Variants in TASL observed in about 807,000 individuals in gnomAD.
The protein encoded by TASL is TLR adaptor interacting with endolysosomal SLC15A4, also known as TLR adapter interacting with SLC15A4 on the lysosome.
A neutral mutation model predicts 12.9 loss-of-function variants in TASL; 6 were observed. That is an observed-to-expected ratio of 0.46 (90% CI 0.25 to 0.92). The LOEUF (loss-of-function observed/expected upper bound fraction) is 0.92, where lower values mean the gene tolerates loss of function less well. TASL is among the 40% of genes least tolerant of loss of function. TASL has a pLI of 0.17. For synonymous variants in TASL, 85 were observed against 79.3 expected, an observed-to-expected ratio of 1.07 and a Z score of -0.38; for missense variants, 165 against 212.8, an observed-to-expected ratio of 0.78 and a Z score of 1.40.
intron 2 of TASL, among the ~76,000 whole-genome samples, chrX:30,571,130 A>G (rs1373856420): frequency 1.9e-5 from 2 of 105,022 alleles, no homozygotes; most frequent in Non-Finnish European, 3.9e-5. Flanking sequence ...TGGTGAGCTG[A>G]GATTGCGCCA....
intron 2 of TASL, among the ~76,000 whole-genome samples, chrX:30,570,236 T>TCACACACA (rs139566030): frequency 4.7e-4 from 47 of 99,793 alleles, no homozygotes; most frequent in African/African-American, 1.3e-3. Context: ...ACTCTCTCTC[T>TCACACACA]CACACACACA....
intron 2 of TASL, among the ~76,000 whole-genome samples, chrX:30,574,497 G>A (rs1930680003): frequency 9.0e-6 from 1 of 111,513 alleles, no homozygotes; most frequent in African/African-American, 3.3e-5. Flanking sequence ...CCCGCCCCTT[G>A]AAGAACATTT....
chrX:30,573,073 TC>T (rs767337083), intron 2 of TASL, among the ~76,000 whole-genome samples: 1 of 112,425 alleles, frequency 8.9e-6, no homozygotes, highest in African/African-American at 3.2e-5. Context: ...TATGATCATA[TC>T]CTTTTAAAAA....
intron 2 of TASL, among the ~76,000 whole-genome samples, chrX:30,566,889 G>A (rs1378421008): frequency 1.8e-5 from 2 of 111,810 alleles, no homozygotes; most frequent in African/African-American, 6.5e-5. Flanking sequence ...ATTTTAATTT[G>A]ATTTAATATA....
intron 2 of TASL, among the ~76,000 whole-genome samples, chrX:30,570,225 TAC>T (rs1491461915): frequency 2.9e-5 from 2 of 67,819 alleles, no homozygotes; most frequent in Non-Finnish European, 5.1e-5. Flanking sequence ...TGTACATAAA[TAC>T]TCTCTCTCTC....
intron 2 of TASL, among the ~76,000 whole-genome samples, chrX:30,566,024 G>A: frequency 9.1e-6 from 1 of 110,150 alleles, no homozygotes; most frequent in Non-Finnish European, 1.9e-5. Flanking sequence ...ACCTACCTTG[G>A]CCTCCCAAAG....
intron 2 of TASL, among the ~76,000 whole-genome samples, chrX:30,576,051 T>C (rs1930699407): frequency 8.9e-6 from 1 of 112,135 alleles, no homozygotes; most frequent in South Asian, 3.6e-4. Flanking sequence ...ATGTTAATTA[T>C]GCCAATTTCA....
At position 30,559,425 on chromosome X, in the gene TASL, C is replaced by G; in HGVS notation, c.*25G>C. The G allele has an allele frequency of 9.3e-7, 1 of 1,078,833 alleles. No homozygotes were observed. Among genetic ancestry groups the G allele is most frequent in the Non-Finnish European group, 1.2e-6 (1 of 801,141 alleles). The allele number at this position is 1,078,833 out of a possible 1,213,427, so 88.9% of individuals were successfully genotyped here. Reference sequence around the variant, plus strand: ...GTGTTGCTTCATGTTTAAGTAAATGCGAGACAGTAATGGAAGCATCCTCTC... The same window carrying G: ...GTGTTGCTTCATGTTTAAGTAAATGGGAGACAGTAATGGAAGCATCCTCTC... On this transcript the variant is annotated 3_prime_UTR_variant, in exon 3 of 3. Coordinates refer to ENST00000378962, the MANE Select transcript of TASL (RefSeq NM_025159.3).
In TASL at chrX:30,566,417, G is replaced by C. The variant is rs1051196865; in HGVS notation, c.-1-6061C>G. 4.5e-5 allele frequency among the ~76,000 whole-genome samples: 5 copies of C among 111,060 alleles called. No individual in the cohort carries two copies. In the East Asian group the frequency reaches 1.4e-3, roughly 32 times the overall value. ...AGCTACTCAGGAGGATGAGGCAGGA[G>C]AATCGCTTGAACCCAGGAGGTGGAG... On this transcript the variant is annotated intron_variant, in intron 2 of 2. Transcript: ENST00000378962.
At chrX:30,565,268 AGAAGTTGT>A (rs1930481756) in intron 2 of TASL, among the ~76,000 whole-genome samples, 1 of 111,744 alleles carries the variant, frequency 8.9e-6, no homozygotes, top group African/African-American at 3.3e-5. Flanking sequence ...TCCTAGGCCC[AGAAGTTGT>A]GAAGAGGAGA....
At position 30,559,961 on chromosome X, in the gene TASL, C is replaced by T. The variant is rs1930392505; in HGVS notation, c.395G>A (p.Gly132Asp). 1.7e-6 allele frequency: 2 copies of T among 1,208,968 alleles called. No homozygotes were observed. Among genetic ancestry groups the T allele is most frequent in the African/African-American group, 3.5e-5 (2 of 57,102 alleles). ...CACTGAATTAATGGCCATCACCTGG[C>T]CCCCTGCAATCTGTAAGTCATTATA... ...KNYNDLQIAG[G>D]QVMAINSVTT... is the part of the protein sequence containing the mutation. The change falls in exon 3 of 3, where the codon GGC (glycine) becomes GAC (aspartate). Residue 132 changes from glycine (G) to aspartate (D), a missense_variant. Transcript: ENST00000378962.
intron 2 of TASL, among the ~76,000 whole-genome samples, chrX:30,560,559 T>C (rs1233386395): frequency 9.1e-6 from 1 of 110,277 alleles, no homozygotes; most frequent in Admixed American, 9.8e-5. Context: ...ATTCCATCCT[T>C]CAGGAAGTTT....
rs764811432 is a variant in TASL, at chrX:30,559,402, G to A, written c.*48C>T. ...CATTCTCAGAATAAATGGATAAAGT[G>A]TTGCTTCATGTTTAAGTAAATGCGA... On this transcript the variant is annotated 3_prime_UTR_variant, in exon 3 of 3. Transcript: ENST00000378962. 2.1e-6 allele frequency: 2 copies of A among 957,743 alleles called. No homozygotes were observed. The highest frequency in any genetic ancestry group is 6.1e-5 in the East Asian group (2 of 32,529). 78.9% of individuals were successfully genotyped at this position (957,743 alleles called of 1,213,427 possible). A position where few individuals can be genotyped will look rare whatever the true frequency, so the allele number is the denominator to read the frequency against.
intron 2 of TASL, among the ~76,000 whole-genome samples, chrX:30,564,937 A>G (rs1163556055): frequency 9.0e-6 from 1 of 111,690 alleles, no homozygotes; most frequent in African/African-American, 3.3e-5. Context: ...GGAGTTCTAG[A>G]GTCCAACATG....
intron 2 of TASL, among the ~76,000 whole-genome samples, chrX:30,571,292 AAGAAAGAAAG>A (rs1930614346): frequency 1.1e-5 from 1 of 91,418 alleles, no homozygotes; most frequent in Non-Finnish European, 2.1e-5. Flanking sequence ...GAAAGAAAGA[AAGAAAGAAAG>A]AAAGAAAGAA....
rs12836927 is a variant in TASL, at chrX:30,563,451, C to T, written c.-1-3095G>A. Among the ~76,000 whole-genome samples the T allele has an allele frequency of 6.2e-5, 7 of 112,359 alleles. No individual in the cohort carries two copies. In the Admixed American group the frequency reaches 6.6e-4, roughly 11 times the overall value. ...AAGAGCCAATCTGACTTAAATTCCCCTAAATGTTGAGGAATTGGTGGTACC... is the reference window on the plus strand; with the variant it reads ...AAGAGCCAATCTGACTTAAATTCCCTTAAATGTTGAGGAATTGGTGGTACC... On this transcript the variant is annotated intron_variant, in intron 2 of 2. Transcript: ENST00000378962.
intron 2 of TASL, among the ~76,000 whole-genome samples, chrX:30,569,909 G>T (rs1173185544): frequency 9.1e-6 from 1 of 109,683 alleles, no homozygotes; most frequent in African/African-American, 3.3e-5. Context: ...TGCTCGGGAG[G>T]CTGAGGCAGG....
At chrX:30,563,153 A>G (rs140051465) in intron 2 of TASL, among the ~76,000 whole-genome samples, 123 of 111,391 alleles carry the variant, frequency 1.1e-3, no homozygotes, top group African/African-American at 3.8e-3. Flanking sequence ...GAGATCATTG[A>G]ATCATGGAGG....
At chrX:30,571,286 G>GAAAGAAAGAAAGAAAGAAAGAAAGAA (rs1569306155) in intron 2 of TASL, among the ~76,000 whole-genome samples, 19 of 64,901 alleles carry the variant, frequency 2.9e-4, no homozygotes, top group African/African-American at 1.1e-3. Context: ...AAGAAAGAAA[G>GAAAGAAAGAAAGAAAGAAAGAAAGAA]AAAGAAAGAA....
Sources: gnomAD v4.1 joint callset for allele counts (sites outside exome capture counted in the v4.1 genomes callset) on GRCh38, gnomAD v4.1.1 for gene constraint, MANE v1.5 for transcripts, NCBI Gene and HGNC (gene_info 2026-07-23, HGNC 2026-07-21) for gene names.